DLGAP1: variants seen among roughly 807,000 people sequenced by gnomAD.
DLGAP1 encodes the protein disks large-associated protein 1.
In DLGAP1, 11 loss-of-function variants were observed where a neutral mutation model predicts 90.8. That is an observed-to-expected ratio of 0.12 (90% CI 0.08 to 0.20). The LOEUF is 0.20. Among genes scored for constraint, DLGAP1 ranks in the 10% least tolerant of loss-of-function variants. DLGAP1 has a pLI of 1.00. For synonymous variants in DLGAP1, 558 were observed against 540.7 expected (o/e 1.03, Z -0.44); for missense variants, 1,050 against 1,333.8 (o/e 0.79, Z 3.31).
chr18:3,657,031 C>A (rs2059516345), intron 7 of DLGAP1, among the ~76,000 whole-genome samples: 2 of 152,176 alleles, frequency 1.3e-5, no homozygotes, highest in Admixed American at 6.5e-5. Context: ...CAGGCGTGAG[C>A]CACCACATTT....
chr18:4,443,010 C>A (rs1055611576), intron 1 of DLGAP1, among the ~76,000 whole-genome samples: 11 of 152,264 alleles, frequency 7.2e-5, no homozygotes, highest in African/African-American at 2.2e-4. Context: ...AATGGATTGA[C>A]AATGGCCATT....
At chr18:4,313,975 G>C (rs756599766) in intron 1 of DLGAP1, among the ~76,000 whole-genome samples, 1 of 152,162 alleles carries the variant, frequency 6.6e-6, no homozygotes, top group Non-Finnish European at 1.5e-5. Flanking sequence ...ATGGGGACAA[G>C]GATAAGCACG....
At chr18:4,266,128 T>C (rs111838191) in intron 1 of DLGAP1, among the ~76,000 whole-genome samples, 13,944 of 152,176 alleles carry the variant, frequency 0.092, 1,851 homozygotes, top group African/African-American at 0.29. Flanking sequence ...GACCATGGAG[T>C]TACTTTTCAT....
chr18:4,056,916 T>C (rs1251558039), intron 2 of DLGAP1, among the ~76,000 whole-genome samples: 2 of 151,992 alleles, frequency 1.3e-5, no homozygotes, highest in African/African-American at 2.4e-5. Flanking sequence ...ACTAGACTCA[T>C]TGTGGGATAA....
intron 2 of DLGAP1, among the ~76,000 whole-genome samples, chr18:4,122,987 A>G (rs2144125219): frequency 6.6e-6 from 1 of 152,340 alleles, no homozygotes; most frequent in Middle Eastern, 3.4e-3. Context: ...CCCAAGGGTA[A>G]GAACTGGGGC....
At chr18:4,096,713 A>G (rs528759911) in intron 2 of DLGAP1, among the ~76,000 whole-genome samples, 1 of 152,272 alleles carries the variant, frequency 6.6e-6, no homozygotes, top group South Asian at 2.1e-4. Context: ...CCTTCTCGTG[A>G]CGTGACTCAC....
At chr18:3,802,226 G>A (rs867045577) in intron 5 of DLGAP1, among the ~76,000 whole-genome samples, 10 of 149,886 alleles carry the variant, frequency 6.7e-5, no homozygotes, top group East Asian at 6.1e-4. Flanking sequence ...TTTGTGATCC[G>A]CCCGCCTCGG....
chr18:3,944,780 T>A (rs1162798079), intron 3 of DLGAP1, among the ~76,000 whole-genome samples: 1 of 152,236 alleles, frequency 6.6e-6, no homozygotes, highest in African/African-American at 2.4e-5. Context: ...TTCCTTGCTG[T>A]ACTTCTATCT....
intron 9 of DLGAP1, among the ~76,000 whole-genome samples, chr18:3,561,184 G>A (rs2054070891): frequency 6.7e-6 from 1 of 149,384 alleles, no homozygotes; most frequent in Admixed American, 6.6e-5. Context: ...GGGAGGCTGA[G>A]GTGGGCGGAT....
At chr18:4,439,919 C>A (rs2083490692) in intron 1 of DLGAP1, among the ~76,000 whole-genome samples, 1 of 151,726 alleles carries the variant, frequency 6.6e-6, no homozygotes, top group African/African-American at 2.4e-5. Context: ...GAGATCGAGA[C>A]CATCCTGGCT....
At chr18:3,583,605 T>A (rs564777558) in intron 7 of DLGAP1, among the ~76,000 whole-genome samples, 1 of 152,330 alleles carries the variant, frequency 6.6e-6, no homozygotes, top group African/African-American at 2.4e-5. Flanking sequence ...TTGGTCTGTA[T>A]GAGTCACTCC....
chr18:3,963,990 C>T (rs1052442748), intron 3 of DLGAP1, among the ~76,000 whole-genome samples: 1 of 152,080 alleles, frequency 6.6e-6, no homozygotes, highest in Admixed American at 6.5e-5. Flanking sequence ...CTTTTTATTT[C>T]TATAATGTTG....
intron 1 of DLGAP1, among the ~76,000 whole-genome samples, chr18:4,418,974 G>C (rs1160781127): frequency 7.9e-5 from 12 of 152,088 alleles, no homozygotes; most frequent in African/African-American, 1.2e-4. Flanking sequence ...GGAAATCTTG[G>C]AGGCAACTAT....
chr18:3,888,018 G>A (rs1176041322), intron 3 of DLGAP1, among the ~76,000 whole-genome samples: 2 of 145,946 alleles, frequency 1.4e-5, no homozygotes, highest in Admixed American at 7.1e-5. Flanking sequence ...TGAGGCAGGA[G>A]AATGGCGTGA....
intron 9 of DLGAP1, among the ~76,000 whole-genome samples, chr18:3,548,202 A>G (rs1330088274): frequency 5.3e-5 from 8 of 152,190 alleles, no homozygotes; most frequent in Non-Finnish European, 1.2e-4. Flanking sequence ...AATGTAGTTA[A>G]TGCCACTGAA....
At position 3,887,564 on chromosome 18, in the gene DLGAP1, C is replaced by T. The variant is rs142053425; in HGVS notation, c.-72-7424G>A. ...AGGAGGACAATGTCCTGGCCAGCTA[C>T]GGCAGTGTCTCCTGATTCAGACCTC... On this transcript the variant is annotated intron_variant, in intron 3 of 12. Coordinates refer to ENST00000315677, the MANE Select transcript of DLGAP1 (RefSeq NM_004746.4). Among the ~76,000 whole-genome samples the T allele has an allele frequency of 5.3e-3, 801 of 152,272 alleles. 18 individuals are homozygous for T. The highest frequency in any genetic ancestry group is 0.034 in the Admixed American group (514 of 15,290).
At chr18:3,966,341 A>C (rs368190599) in intron 3 of DLGAP1, among the ~76,000 whole-genome samples, 1 of 152,034 alleles carries the variant, frequency 6.6e-6, no homozygotes. Flanking sequence ...ATTTGGTTCT[A>C]TTTGTTGGGG....
chr18:4,344,733 G>A (rs1218714084), intron 1 of DLGAP1, among the ~76,000 whole-genome samples: 1 of 152,176 alleles, frequency 6.6e-6, no homozygotes, highest in Non-Finnish European at 1.5e-5. Context: ...AGGTGGCAGA[G>A]TCAGGATTCA....
Position 3,582,183 on chromosome 18 carries a change from G to T in DLGAP1, c.1657C>A (p.Pro553Thr). 1 of 1,614,100 alleles carries T rather than the reference G, an allele frequency of 6.2e-7. No individual in the cohort carries two copies. The highest frequency in any genetic ancestry group is 8.5e-7 in the Non-Finnish European group (1 of 1,180,022). The change falls in exon 8 of 13, where the codon CCT becomes ACT. Residue 553 changes from proline to threonine, a missense_variant. By Grantham distance (38) the Pro-to-Thr change is conservative. Around this residue, in one of 2 missense-constraint regions of DLGAP1, gnomAD observed 565 missense variants for 879.7 expected, o/e 0.64. Transcript: ENST00000315677. ...CTCTGGGCTGTGATAGAAATGAAAG[G>T]TTTCGTGGTAGTTCTGGGTGGGACT... Reference protein sequence around the residue: ...PPVPPRTTTKPFISITAQSST... With the variant: ...PPVPPRTTTKTFISITAQSST...
Sources: gnomAD v4.1 joint callset for allele counts (sites outside exome capture counted in the v4.1 genomes callset) on GRCh38, gnomAD v4.1.1 for gene constraint, gnomAD v4.1.1 regional missense constraint, MANE v1.5 for transcripts, NCBI Gene and HGNC (gene_info 2026-07-23, HGNC 2026-07-21) for gene names.